The following DGLUCY variants were observed in gnomAD, a reference collection of about 807,000 sequenced individuals.
DGLUCY encodes D-glutamate cyclase, also known as D-glutamate cyclase, mitochondrial.
DGLUCY carries 58 observed loss-of-function variants against 58.5 expected under a neutral mutation model. That is an observed-to-expected ratio of 0.99 (90% CI 0.80 to 1.23). The LOEUF is 1.23. DGLUCY is among the 50% of genes most tolerant of loss of function. DGLUCY has a pLI of 0.00. For missense variants in DGLUCY, 779 were observed against 784.7 expected, an observed-to-expected ratio of 0.99 and a Z score of 0.09; for synonymous variants, 325 against 314.1, an observed-to-expected ratio of 1.03 and a Z score of -0.37.
chr14:91,189,227 T>A lies in DGLUCY; in HGVS notation c.1195+57T>A, dbSNP rs368688937. The A allele has an allele frequency of 1.2e-5, 20 of 1,600,170 alleles. No homozygotes were observed. In the East Asian group the frequency reaches 2.0e-4, roughly 16 times the overall value. ...CCAAACGGGCTTTGTGGACGGAGGC[T>A]GGAGGGAATCAGCATCTGCAGTACA... On this transcript the variant is annotated intron_variant, in intron 9 of 13. Transcript: ENST00000256324.
intron 13 of DGLUCY, among the ~76,000 whole-genome samples, chr14:91,222,527 A>T (rs961663691): frequency 2.0e-5 from 3 of 152,218 alleles, no homozygotes; most frequent in African/African-American, 7.2e-5. Flanking sequence ...TGGACAAAGG[A>T]CACATGTGAA....
At chr14:91,167,081 G>T in intron 3 of DGLUCY, 144 bp from the exon 4 acceptor site, 1 of 1,068,978 alleles carries the variant, frequency 9.4e-7, no homozygotes, top group Non-Finnish European at 1.3e-6. Context: ...GGAGGTTGCA[G>T]TGAGCCAAGA....
chr14:91,133,437 C>T (rs931711305), intron 1 of DGLUCY, among the ~76,000 whole-genome samples: 1 of 152,148 alleles, frequency 6.6e-6, no homozygotes, highest in Non-Finnish European at 1.5e-5. Context: ...GTGGATAATA[C>T]TGCTATGAAT....
chr14:91,148,566 T>C (rs1464191727), intron 1 of DGLUCY: 3 of 152,162 alleles, frequency 2.0e-5, no homozygotes. Flanking sequence ...TCATAAATTA[T>C]TGTTTAGTTA....
At chr14:91,100,299 A>G (rs1018690213) in intron 1 of DGLUCY, among the ~76,000 whole-genome samples, 1 of 152,164 alleles carries the variant, frequency 6.6e-6, no homozygotes, top group African/African-American at 2.4e-5. Flanking sequence ...CTGGGTGTTC[A>G]GAAGAGGAGG....
intron 10 of DGLUCY, among the ~76,000 whole-genome samples, chr14:91,198,849 AAGGTTAGGG>A (rs1267783483): frequency 6.6e-6 from 1 of 152,024 alleles, no homozygotes; most frequent in Non-Finnish European, 1.5e-5. Flanking sequence ...GCAGAAAATG[AAGGTTAGGG>A]AGGTTAAGCA....
At chr14:91,088,507 T>C (rs1157524993) in intron 1 of DGLUCY, among the ~76,000 whole-genome samples, 1 of 152,208 alleles carries the variant, frequency 6.6e-6, no homozygotes, top group Non-Finnish European at 1.5e-5. Context: ...TCCCCCTCAG[T>C]GTCTTGTTCT....
rs77307717 is a variant in DGLUCY, at chr14:91,181,126, T to C, written c.731-60T>C. ...TCTTGCCTATCAACAGTGGGCTAGA[T>C]GAGGGTAGGCTGGACTTGATGAAGT... On this transcript the variant is annotated intron_variant, in intron 7 of 13. Coordinates refer to ENST00000256324, the MANE Select transcript of DGLUCY (RefSeq NM_001102368.3). 1.1e-3 allele frequency: 1,607 copies of C among 1,529,754 alleles called. 8 individuals are homozygous for C. The African/African-American group carries it at 0.017, about 16-fold the overall frequency. 94.8% of individuals were successfully genotyped at this position (1,529,754 alleles called of 1,614,324 possible).
At chr14:91,162,940 T>C (rs548007878) in intron 3 of DGLUCY, among the ~76,000 whole-genome samples, 107 of 149,102 alleles carry the variant, frequency 7.2e-4, no homozygotes, top group Middle Eastern at 3.7e-3. Flanking sequence ...TTTGTGCACA[T>C]ACCATCCTGA....
In DGLUCY at chr14:91,138,635, C is replaced by T. The variant is rs530137654; in HGVS notation, c.-81-19004C>T. Among the ~76,000 whole-genome samples the T allele has an allele frequency of 2.6e-5, 4 of 152,286 alleles. No individual in the cohort carries two copies. In the South Asian group the frequency reaches 8.3e-4, roughly 32 times the overall value. On this transcript the variant is annotated intron_variant, in intron 1 of 13. Transcript: ENST00000256324. The stretch of plus-strand genomic sequence containing the variant: ...GGCAAAGGAGATTTAAGCACCTCCA[C>T]AAGGTGGCAGGAGAGAGTGAGCAAG...
At chr14:91,063,469 A>ACC (rs2043766643) in intron 1 of DGLUCY, among the ~76,000 whole-genome samples, 1 of 152,086 alleles carries the variant, frequency 6.6e-6, no homozygotes, top group African/African-American at 2.4e-5. Context: ...AGGACTCTGA[A>ACC]CCCCTGAGTT....
chr14:91,205,064 C>T (rs1884324216), intron 12 of DGLUCY, among the ~76,000 whole-genome samples: 1 of 152,152 alleles, frequency 6.6e-6, no homozygotes, highest in African/African-American at 2.4e-5. Flanking sequence ...CTCCACAGAG[C>T]TCCCATTCTA....
At chr14:91,223,524 C>T in intron 13 of DGLUCY, among the ~76,000 whole-genome samples, 1 of 152,120 alleles carries the variant, frequency 6.6e-6, no homozygotes, top group East Asian at 1.9e-4. Flanking sequence ...TTGCTTTATG[C>T]CTTCACTTAA....
At chr14:91,065,167 A>C (rs2043800142) in intron 1 of DGLUCY, among the ~76,000 whole-genome samples, 1 of 152,172 alleles carries the variant, frequency 6.6e-6, no homozygotes, top group African/African-American at 2.4e-5. Context: ...AGGAGAGTGG[A>C]AACAGGTTGG....
At chr14:91,222,941 G>A (rs961462779) in intron 13 of DGLUCY, among the ~76,000 whole-genome samples, 5 of 152,232 alleles carry the variant, frequency 3.3e-5, no homozygotes, top group African/African-American at 7.2e-5. Context: ...GAGTCCGCAT[G>A]TGGTGGAGAG....
intron 8 of DGLUCY, among the ~76,000 whole-genome samples, chr14:91,181,963 C>CTTTT (rs763599791): frequency 7.3e-6 from 1 of 136,326 alleles, no homozygotes; most frequent in Non-Finnish European, 1.6e-5. Context: ...TTCTTTATGG[C>CTTTT]TTTTTATTTA....
At chr14:91,223,669 T>A in intron 13 of DGLUCY, 2 of 1,283,876 alleles carry the variant, frequency 1.6e-6, no homozygotes, top group South Asian at 1.2e-5. Context: ...TTTTTTTTTT[T>A]AACCAGCAGG....
Position 91,163,644 on chromosome 14 carries a change from G to T in DGLUCY, c.103+3247G>T, listed in dbSNP as rs142529445. 3.6e-3 allele frequency among the ~76,000 whole-genome samples: 542 copies of T among 152,264 alleles called. 6 individuals carry two copies. Among genetic ancestry groups the T allele is most frequent in the African/African-American group, 0.012 (519 of 41,550 alleles). Reference sequence around the variant, plus strand: ...CTCCTAGGGAAACCCAGTGCCTGCAGCCCAGCAGAGGCCACTCCGTGATGA... The same window carrying T: ...CTCCTAGGGAAACCCAGTGCCTGCATCCCAGCAGAGGCCACTCCGTGATGA... On this transcript the variant is annotated intron_variant, in intron 3 of 13. Transcript: ENST00000256324.
chr14:91,161,079 T>C (rs1405482163), intron 3 of DGLUCY, among the ~76,000 whole-genome samples: 1 of 152,248 alleles, frequency 6.6e-6, no homozygotes, highest in African/African-American at 2.4e-5. Flanking sequence ...TTTTTTGTTG[T>C]TGTTGAGACG....
Sources: allele counts gnomAD v4.1 joint callset (sites outside exome capture counted in the v4.1 genomes callset), GRCh38; gene constraint gnomAD v4.1.1; transcripts MANE v1.5; gene names NCBI Gene and HGNC (gene_info 2026-07-23, HGNC 2026-07-21).